TRIM37: variants seen among roughly 807,000 people sequenced by gnomAD.
The protein encoded by TRIM37 is E3 ubiquitin-protein ligase TRIM37.
Under a neutral mutation model 129.8 loss-of-function variants are expected in TRIM37, and 80 were observed. That is an observed-to-expected ratio of 0.62 (90% CI 0.51 to 0.74). The LOEUF (loss-of-function observed/expected upper bound fraction) is 0.74. Among genes scored for constraint, TRIM37 ranks in the 30% least tolerant of loss-of-function variants. The pLI, the probability that TRIM37 is intolerant of heterozygous loss-of-function variation, is 0.00. For missense variants in TRIM37, 1,054 were observed against 1,176.5 expected, an observed-to-expected ratio of 0.90 and a Z score of 1.52; for synonymous variants, 389 against 387.1, an observed-to-expected ratio of 1.00 and a Z score of -0.06.
chr17:59,016,568 G>A (rs566657614), intron 20 of TRIM37, among the ~76,000 whole-genome samples: 13 of 115,524 alleles, frequency 1.1e-4, no homozygotes, highest in African/African-American at 4.3e-4. Flanking sequence ...TTCAAGACCA[G>A]CCTGGACAAT....
chr17:59,046,576 G>A (rs1003098477), intron 16 of TRIM37, among the ~76,000 whole-genome samples: 88 of 133,048 alleles, frequency 6.6e-4, no homozygotes, highest in South Asian at 2.4e-3. Flanking sequence ...CTCAACTGTC[G>A]CCCAGGCTGG....
At chr17:59,000,538 T>A (rs188955952) in intron 23 of TRIM37, among the ~76,000 whole-genome samples, 24 of 152,160 alleles carry the variant, frequency 1.6e-4, no homozygotes, top group African/African-American at 5.8e-4. Flanking sequence ...GAGGCAGAAG[T>A]TGCAGTGAGC....
intron 9 of TRIM37, among the ~76,000 whole-genome samples, chr17:59,070,303 G>A (rs144375481): frequency 7.2e-5 from 11 of 152,254 alleles, no homozygotes; most frequent in African/African-American, 2.6e-4. Flanking sequence ...GAGATAACAT[G>A]GCGTCACCTT....
chr17:59,008,110 T>C (rs143797503), intron 22 of TRIM37, among the ~76,000 whole-genome samples: 1 of 152,336 alleles, frequency 6.6e-6, no homozygotes, highest in Non-Finnish European at 1.5e-5. Flanking sequence ...ACAAAGCTGA[T>C]TACAGGAGGC....
At chr17:59,103,879 C>G (rs2045758421) in intron 2 of TRIM37, among the ~76,000 whole-genome samples, 1 of 151,386 alleles carries the variant, frequency 6.6e-6, no homozygotes, top group Admixed American at 6.6e-5. Flanking sequence ...ATCTCTTGAC[C>G]TCGTGATCCA....
intron 8 of TRIM37, among the ~76,000 whole-genome samples, chr17:59,072,840 G>GCATCAAC (rs1311188785): frequency 6.6e-6 from 1 of 151,896 alleles, no homozygotes; most frequent in Non-Finnish European, 1.5e-5. Context: ...TTGAGCTACT[G>GCATCAAC]CATCAACCAA....
At chr17:58,983,125 G>A in intron 24 of TRIM37, 1 of 537,630 alleles carries the variant, frequency 1.9e-6, no homozygotes. Flanking sequence ...GGATAGAACT[G>A]GGACAAACAC....
intron 20 of TRIM37, among the ~76,000 whole-genome samples, chr17:59,016,424 A>T (rs1431300048): frequency 6.6e-6 from 1 of 151,288 alleles, no homozygotes; most frequent in African/African-American, 2.4e-5. Context: ...AACTTCAAAA[A>T]TAATTTTGAA....
At chr17:59,042,438 A>AT (rs2039301072) in intron 16 of TRIM37, among the ~76,000 whole-genome samples, 7 of 75,158 alleles carry the variant, frequency 9.3e-5, no homozygotes, top group Admixed American at 8.3e-4. Context: ...ATTTAAAAAA[A>AT]AAAAAAAAAA....
At chr17:59,048,684 C>T (rs1246857550) in intron 15 of TRIM37, among the ~76,000 whole-genome samples, 3 of 152,128 alleles carry the variant, frequency 2.0e-5, no homozygotes, top group Non-Finnish European at 2.9e-5. Flanking sequence ...GCAACCTCCG[C>T]CTCCTAGGTT....
At chr17:59,037,197 A>T (rs964703835) in intron 17 of TRIM37, among the ~76,000 whole-genome samples, 9 of 151,860 alleles carry the variant, frequency 5.9e-5, no homozygotes, top group African/African-American at 1.7e-4. Context: ...TAAGCATATT[A>T]AAAAAAAGCA....
chr17:59,020,998 T>C (rs902180423), intron 19 of TRIM37, among the ~76,000 whole-genome samples: 2 of 152,080 alleles, frequency 1.3e-5, no homozygotes, highest in African/African-American at 2.4e-5. Context: ...AGAAAGCAAA[T>C]TAGTATGTCA....
intron 17 of TRIM37, among the ~76,000 whole-genome samples, chr17:59,038,836 T>C (rs2038834659): frequency 6.6e-6 from 1 of 152,182 alleles, no homozygotes; most frequent in Non-Finnish European, 1.5e-5. Context: ...ATTTCTTCTT[T>C]TTTCTAGAAG....
rs1328622425 is a variant in TRIM37 at position 58,998,669 on chromosome 17, T to C, written c.*708A>G. ...TAAGAGGCAGAAAAAAATGAAAGAATTTTAAATAATCTTACACGTGTCTAC... is the reference window on the plus strand; with the variant it reads ...TAAGAGGCAGAAAAAAATGAAAGAACTTTAAATAATCTTACACGTGTCTAC... On this transcript the variant is annotated 3_prime_UTR_variant, in exon 24 of 24. Transcript: ENST00000262294. 20 of 985,406 alleles carry C rather than the reference T, an allele frequency of 2.0e-5. No individual in the cohort carries two copies. The highest frequency in any genetic ancestry group is 2.3e-5 in the Non-Finnish European group (19 of 829,900). 61.0% of individuals were successfully genotyped at this position (985,406 alleles called of 1,614,324 possible).
At chr17:58,969,155 C>T in the TRIM37 span, among the ~76,000 whole-genome samples, 2 of 152,178 alleles carry the variant, frequency 1.3e-5, no homozygotes, top group Non-Finnish European at 2.9e-5. Flanking sequence ...AAAAATCACT[C>T]AATCTGGAGC....
intron 2 of TRIM37, among the ~76,000 whole-genome samples, chr17:59,092,656 T>C (rs754629428): frequency 1.6e-4 from 24 of 152,134 alleles, no homozygotes; most frequent in Non-Finnish European, 3.4e-4. Context: ...GTCTGATAAA[T>C]AGGTTCAGAG....
chr17:59,075,559 A>G lies in TRIM37; in HGVS notation c.684+88T>C, dbSNP rs6416933. 468,260 of 767,542 alleles carry G rather than the reference A, an allele frequency of 0.61. 148,804 individuals carry two copies. Among genetic ancestry groups the G allele is most frequent in the African/African-American group, 0.77 (38,655 of 50,312 alleles). 47.5% of individuals were successfully genotyped at this position (767,542 alleles called of 1,614,324 possible). On this transcript the variant is annotated intron_variant, in intron 8 of 23. Transcript: ENST00000262294. ...AGCCTGGGCGACAGAGAGAGACTCC[A>G]TCTCAAAAAAAAAAAAAAAAAAAAA...
chr17:59,000,092 G>A (rs749989655), intron 23 of TRIM37, among the ~76,000 whole-genome samples: 5 of 152,130 alleles, frequency 3.3e-5, no homozygotes, highest in Admixed American at 6.5e-5. Context: ...GATTATTAAG[G>A]CCTCTGGGTA....
chr17:59,060,465 G>C (rs1270095620), intron 12 of TRIM37, among the ~76,000 whole-genome samples: 2 of 151,542 alleles, frequency 1.3e-5, no homozygotes, highest in Admixed American at 1.3e-4. Context: ...TCATTAATAT[G>C]ATTCCAGATC....
Sources: allele counts gnomAD v4.1 joint callset (sites outside exome capture counted in the v4.1 genomes callset), GRCh38; gene constraint gnomAD v4.1.1; transcripts MANE v1.5; gene names NCBI Gene and HGNC (gene_info 2026-07-23, HGNC 2026-07-21).